OARD1: variants seen among roughly 807,000 people sequenced by gnomAD.
OARD1 encodes O-acyl-ADP-ribose deacylase 1.
In OARD1, 19 loss-of-function variants were observed where a neutral mutation model predicts 19.7. The observed-to-expected ratio is 0.96, with a 90% CI of 0.67 to 1.41. The LOEUF (loss-of-function observed/expected upper bound fraction) is 1.41. Ranked by LOEUF, OARD1 falls within the 40% of genes most tolerant of loss-of-function variation. The pLI is 0.00. For missense variants in OARD1, 190 were observed against 183.8 expected, an observed-to-expected ratio of 1.03 and a Z score of -0.20; for synonymous variants, 70 against 61.8, an observed-to-expected ratio of 1.13 and a Z score of -0.62.
upstream of OARD1, among the ~76,000 whole-genome samples, chr6:41,073,514 A>G (rs1763607566): frequency 6.7e-6 from 1 of 149,676 alleles, no homozygotes. Flanking sequence ...CTGCCCTTGC[A>G]CTCTCCACTC....
intron 3 of OARD1, chr6:41,070,803 T>G (rs1763298817): frequency 1.9e-6 from 1 of 526,376 alleles, no homozygotes. Context: ...TCTAAATTCC[T>G]CTTTGAAGAG....
At chr6:41,079,208 A>AT (rs1561850507) in intron 1 of OARD1, 1 of 1,558,822 alleles carries the variant, frequency 6.4e-7, no homozygotes, top group Non-Finnish European at 8.9e-7. Flanking sequence ...AATGAAACTG[A>AT]TAACAGCACC....
At chr6:41,083,973 C>T in intron 1 of OARD1, 1 of 1,416,180 alleles carries the variant, frequency 7.1e-7, no homozygotes, top group South Asian at 1.5e-5. Flanking sequence ...AGAATAGTTC[C>T]AGTGATTGTC....
At chr6:41,089,681 C>CG (rs1278000743) in intron 1 of OARD1, 1 of 1,612,622 alleles carries the variant, frequency 6.2e-7, no homozygotes, top group African/African-American at 1.3e-5. Context: ...CCAGCAGCCC[C>CG]AGACGGCTGT....
intron 5 of OARD1, 60 bp downstream of exon 5, chr6:41,068,781 G>A: frequency 1.1e-6 from 1 of 943,872 alleles, no homozygotes; most frequent in Non-Finnish European, 1.6e-6. Flanking sequence ...TTGTCTTTGG[G>A]TAAGATAGTA....
At chr6:41,070,220 T>G (rs1763260784) in intron 3 of OARD1, 86 bp from the exon 4 acceptor site, 2 of 783,218 alleles carry the variant, frequency 2.6e-6, no homozygotes, top group Non-Finnish European at 4.4e-6. Flanking sequence ...CAGATCTGAG[T>G]TTACCTCAGA....
intron 1 of OARD1, among the ~76,000 whole-genome samples, chr6:41,082,597 C>G (rs1304650565): frequency 6.6e-6 from 1 of 152,132 alleles, no homozygotes; most frequent in Non-Finnish European, 1.5e-5. Flanking sequence ...TTCCTACTTA[C>G]ATAGATTTTA....
At chr6:41,087,456 G>A (rs1764078860) in intron 1 of OARD1, among the ~76,000 whole-genome samples, 1 of 152,156 alleles carries the variant, frequency 6.6e-6, no homozygotes, top group South Asian at 2.1e-4. Context: ...GTGGTCCCAA[G>A]TTGAAATTAT....
At chr6:41,097,503 T>C in intron 1 of OARD1, 2 of 1,366,242 alleles carry the variant, frequency 1.5e-6, no homozygotes, top group Middle Eastern at 1.8e-4. Flanking sequence ...ATGATCACAT[T>C]CTGCCCTTTA....
At chr6:41,092,407 A>G (rs1764220674) in intron 1 of OARD1, among the ~76,000 whole-genome samples, 1 of 152,264 alleles carries the variant, frequency 6.6e-6, no homozygotes, top group East Asian at 1.9e-4. Flanking sequence ...GATTCAATAC[A>G]GTTATTCAAA....
chr6:41,084,655 CAA>C (rs1310031976), intron 1 of OARD1, among the ~76,000 whole-genome samples: 1 of 152,096 alleles, frequency 6.6e-6, no homozygotes, highest in Non-Finnish European at 1.5e-5. Flanking sequence ...CAAAAGTAAG[CAA>C]AGATGTAGAA....
upstream of OARD1, among the ~76,000 whole-genome samples, chr6:41,077,455 T>C (rs1763771480): frequency 6.6e-6 from 1 of 152,230 alleles, no homozygotes; most frequent in African/African-American, 2.4e-5. Flanking sequence ...TCTAGATTAC[T>C]GATGTCTTTT....
At chr6:41,084,109 C>T (rs1020519086) in intron 1 of OARD1, 7 of 1,614,052 alleles carry the variant, frequency 4.3e-6, no homozygotes, top group Non-Finnish European at 5.9e-6. Context: ...AACTGGCCAA[C>T]CCATCATGGT....
rs1049297073 is a variant in OARD1 at position 41,097,562 on chromosome 6, A to G, written c.-42+151T>C. On this transcript the variant is annotated intron_variant, in intron 1 of 4. Coordinates refer to the OARD1 transcript ENST00000480585. ...TTTTAATAAGTGGCTCAGTATTACA[A>G]TTGCAGCGATGCCTGGCAAATTGAA... 2.0e-5 allele frequency: 14 copies of G among 705,848 alleles called. No individual in the cohort carries two copies. In the African/African-American group the frequency reaches 2.3e-4, roughly 12 times the overall value. The allele number at this position is 705,848 out of a possible 1,614,324, so 43.7% of individuals were successfully genotyped here.
chr6:41,074,327 G>A (rs1338804781), upstream of OARD1, among the ~76,000 whole-genome samples: 1 of 152,218 alleles, frequency 6.6e-6, no homozygotes, highest in African/African-American at 2.4e-5. Flanking sequence ...TATATGCCAG[G>A]TATAATCCGT....
intron 1 of OARD1, among the ~76,000 whole-genome samples, chr6:41,079,737 G>T (rs193183082): frequency 4.3e-4 from 66 of 152,172 alleles, no homozygotes; most frequent in African/African-American, 1.5e-3. Flanking sequence ...TTATGCTTGG[G>T]TTTATTATAG....
chr6:41,081,502 A>G (rs979011134), intron 1 of OARD1, among the ~76,000 whole-genome samples: 2 of 152,182 alleles, frequency 1.3e-5, no homozygotes, highest in East Asian at 3.9e-4. Context: ...AAAAAAAAAA[A>G]AGAATTTATT....
chr6:41,087,558 A>G (rs947884261), intron 1 of OARD1, among the ~76,000 whole-genome samples: 2 of 152,236 alleles, frequency 1.3e-5, no homozygotes, highest in African/African-American at 4.8e-5. Context: ...CTCAAATAAA[A>G]AAAGTTTGTT....
In OARD1 at chr6:41,068,903, C is replaced by A. The variant is rs1169636809; in HGVS notation, c.294G>T (p.Lys98Asn). ...SHKPTYENLQ[K>N]SLEAMKSHCL... ...AATGAGACTTCATTGCCTCTAAACT[C>A]TTCTGTAAGTTTTCATAAGTTGGCT... The change falls in exon 5 of 6, where the codon AAG (lysine) becomes AAT (asparagine). Residue 98 changes from lysine (K) to asparagine (N), a missense_variant. Coordinates refer to ENST00000424266, the MANE Select transcript of OARD1 (RefSeq NM_001329686.2). 1.2e-6 allele frequency: 2 copies of A among 1,610,644 alleles called. No individual in the cohort carries two copies. Among genetic ancestry groups the A allele is most frequent in the Non-Finnish European group, 1.7e-6 (2 of 1,178,314 alleles).
Sources: gnomAD v4.1 joint callset for allele counts (sites outside exome capture counted in the v4.1 genomes callset) on GRCh38, gnomAD v4.1.1 for gene constraint, MANE v1.5 for transcripts, NCBI Gene and HGNC (gene_info 2026-07-23, HGNC 2026-07-21) for gene names.